Variants in STARD13 observed in about 807,000 individuals in gnomAD.
STARD13 encodes StAR related lipid transfer domain containing 13, also known as stAR-related lipid transfer protein 13.
In STARD13, 62 loss-of-function variants were observed where a neutral mutation model predicts 106.4. The observed-to-expected ratio is 0.58, with a 90% CI of 0.48 to 0.72. The LOEUF is 0.72. STARD13 is among the 30% of genes least tolerant of loss of function. The probability of loss-of-function intolerance (pLI) is 0.00; values close to 1 mark genes in which losing one functional copy is unlikely to be tolerated. For synonymous variants in STARD13, 565 were observed against 553.0 expected, an observed-to-expected ratio of 1.02 and a Z score of -0.31; for missense variants, 1,387 against 1,424.0, an observed-to-expected ratio of 0.97 and a Z score of 0.42.
the STARD13 span, among the ~76,000 whole-genome samples, chr13:33,555,493 T>C: frequency 6.6e-6 from 1 of 152,218 alleles, no homozygotes; most frequent in South Asian, 2.1e-4. Flanking sequence ...GAGGTTTGTT[T>C]TTATTATAAA....
At chr13:33,447,213 G>T in the STARD13 span, among the ~76,000 whole-genome samples, 1 of 152,288 alleles carries the variant, frequency 6.6e-6, no homozygotes. Context: ...GCAAGAAACC[G>T]CAAGGACCTA....
intron 1 of STARD13, among the ~76,000 whole-genome samples, chr13:33,318,301 G>A (rs771544257): frequency 2.0e-5 from 3 of 152,168 alleles, no homozygotes; most frequent in Non-Finnish European, 4.4e-5. Flanking sequence ...GAATGAATGT[G>A]TCAACAGGAT....
At chr13:33,601,293 T>C in the STARD13 span, among the ~76,000 whole-genome samples, 19 of 152,170 alleles carry the variant, frequency 1.2e-4, no homozygotes, top group Middle Eastern at 3.4e-3. Context: ...TTAGTCCTCA[T>C]AGAAACCATG....
upstream of STARD13, among the ~76,000 whole-genome samples, chr13:33,352,645 G>C (rs1287714054): frequency 6.6e-6 from 1 of 152,262 alleles, no homozygotes; most frequent in Non-Finnish European, 1.5e-5. Context: ...CCAGATGAAA[G>C]ACGGAAATGA....
the STARD13 span, among the ~76,000 whole-genome samples, chr13:33,429,546 A>C: frequency 6.6e-6 from 1 of 152,108 alleles, no homozygotes; most frequent in Non-Finnish European, 1.5e-5. Context: ...AGAAAAGAAA[A>C]TGTGGTACAT....
the STARD13 span, among the ~76,000 whole-genome samples, chr13:33,392,054 G>A: frequency 1.3e-5 from 2 of 152,148 alleles, no homozygotes; most frequent in Non-Finnish European, 2.9e-5. Flanking sequence ...TGCAGGTGGT[G>A]AAACAGAGAG....
intron 8 of STARD13, among the ~76,000 whole-genome samples, chr13:33,113,344 A>C (rs530707835): frequency 6.6e-6 from 1 of 152,134 alleles, no homozygotes; most frequent in Non-Finnish European, 1.5e-5. Context: ...AGCCACTCTC[A>C]GGATGCCCAA....
intron 1 of STARD13, among the ~76,000 whole-genome samples, chr13:33,255,415 G>A (rs941672151): frequency 7.3e-5 from 11 of 151,698 alleles, no homozygotes; most frequent in South Asian, 6.3e-4. Context: ...AAAGAGAACC[G>A]CTCACAACTG....
intron 1 of STARD13, among the ~76,000 whole-genome samples, chr13:33,269,490 A>T (rs1891056646): frequency 6.6e-6 from 1 of 152,188 alleles, no homozygotes; most frequent in Non-Finnish European, 1.5e-5. Context: ...CACAATAAGT[A>T]CTTGGAAGCC....
At chr13:33,252,230 C>A (rs1206277223) in intron 1 of STARD13, among the ~76,000 whole-genome samples, 1 of 152,172 alleles carries the variant, frequency 6.6e-6, no homozygotes, top group Non-Finnish European at 1.5e-5. Flanking sequence ...TGCCTTTAAT[C>A]CCTCTCCGGT....
intron 1 of STARD13, among the ~76,000 whole-genome samples, chr13:33,219,644 T>C (rs1594123316): frequency 6.9e-6 from 1 of 145,822 alleles, no homozygotes; most frequent in Admixed American, 6.9e-5. Flanking sequence ...CCAGCATGGA[T>C]AACATAGCAA....
chr13:33,159,315 C>T (rs1882357366), intron 3 of STARD13, among the ~76,000 whole-genome samples: 2 of 152,296 alleles, frequency 1.3e-5, no homozygotes, highest in Middle Eastern at 6.8e-3. Context: ...TGTACTTGCT[C>T]ATCCCTATGA....
chr13:33,481,823 C>T, the STARD13 span, among the ~76,000 whole-genome samples: 1 of 148,512 alleles, frequency 6.7e-6, no homozygotes, highest in Non-Finnish European at 1.5e-5. Flanking sequence ...ACTAAAAATA[C>T]AAAAAATTAG....
At chr13:33,459,907 T>C in the STARD13 span, among the ~76,000 whole-genome samples, 237 of 152,300 alleles carry the variant, frequency 1.6e-3, no homozygotes, top group African/African-American at 5.3e-3. Flanking sequence ...CAAAGAAAAA[T>C]GTGATGCCAT....
chr13:33,658,787 A>T, the STARD13 span, among the ~76,000 whole-genome samples: 1 of 152,230 alleles, frequency 6.6e-6, no homozygotes, highest in Non-Finnish European at 1.5e-5. Flanking sequence ...GTCACCAGAA[A>T]GACTAAGGCA....
At chr13:33,389,255 G>A in the STARD13 span, among the ~76,000 whole-genome samples, 5 of 152,066 alleles carry the variant, frequency 3.3e-5, no homozygotes, top group Non-Finnish European at 7.4e-5. Flanking sequence ...ACCGCACCCA[G>A]CCTCTTGAGG....
At chr13:33,118,306 G>A in intron 7 of STARD13, 43 bp from the exon 8 acceptor site, 1 of 1,555,500 alleles carries the variant, frequency 6.4e-7, no homozygotes, top group South Asian at 1.1e-5. Flanking sequence ...GCCACACTTG[G>A]TTGTGAGGAG....
chr13:33,141,970 A>G (rs150166364), intron 4 of STARD13, among the ~76,000 whole-genome samples: 20 of 152,338 alleles, frequency 1.3e-4, no homozygotes, highest in African/African-American at 4.6e-4. Context: ...TTATGATGAA[A>G]TGGGACATGG....
the STARD13 span, among the ~76,000 whole-genome samples, chr13:33,553,977 T>C: frequency 6.6e-6 from 1 of 152,168 alleles, no homozygotes; most frequent in African/African-American, 2.4e-5. Context: ...TTAAAAGATT[T>C]CTATTTTTAA....
Sources: gnomAD v4.1 joint callset for allele counts (sites outside exome capture counted in the v4.1 genomes callset) on GRCh38, gnomAD v4.1.1 for gene constraint, MANE v1.5 for transcripts, NCBI Gene and HGNC (gene_info 2026-07-23, HGNC 2026-07-21) for gene names.